Variants in SGMS2 observed in about 807,000 individuals in gnomAD.
SGMS2 encodes phosphatidylcholine:ceramide cholinephosphotransferase 2.
Under a neutral mutation model 43.8 loss-of-function variants are expected in SGMS2, and 21 were observed. That is an observed-to-expected ratio of 0.48 (90% CI 0.34 to 0.69). SGMS2 has a LOEUF of 0.69. Ranked by LOEUF, SGMS2 falls within the 30% of genes least tolerant of loss-of-function variation. The probability of loss-of-function intolerance (pLI) is 0.01; values close to 1 mark genes in which losing one functional copy is unlikely to be tolerated. For synonymous variants in SGMS2, 167 were observed against 160.6 expected (o/e 1.04, Z -0.30); for missense variants, 384 against 443.2 (o/e 0.87, Z 1.20).
At chr4:107,859,329 A>G (rs577665953) in intron 2 of SGMS2, among the ~76,000 whole-genome samples, 2 of 152,214 alleles carry the variant, frequency 1.3e-5, no homozygotes, top group South Asian at 4.2e-4. Context: ...CTACCCTAAG[A>G]TAGACACCAG....
chr4:107,868,140 C>G (rs1048152732), intron 2 of SGMS2, among the ~76,000 whole-genome samples: 1 of 152,020 alleles, frequency 6.6e-6, no homozygotes, highest in East Asian at 1.9e-4. Flanking sequence ...AAAATAACAA[C>G]AAAGCCACAA....
intron 6 of SGMS2, among the ~76,000 whole-genome samples, chr4:107,909,353 C>T (rs1416872288): frequency 6.6e-6 from 1 of 152,072 alleles, no homozygotes; most frequent in African/African-American, 2.4e-5. Flanking sequence ...TCAGGTGATC[C>T]TCCCACCTCG....
intron 1 of SGMS2, among the ~76,000 whole-genome samples, chr4:107,853,213 G>A (rs1260912866): frequency 6.6e-6 from 1 of 152,058 alleles, no homozygotes; most frequent in Non-Finnish European, 1.5e-5. Flanking sequence ...AGAAAGCAGA[G>A]CTTATGAGAC....
At chr4:107,903,533 G>A (rs1167599161) in intron 5 of SGMS2, 147 bp downstream of exon 5, 1 of 635,886 alleles carries the variant, frequency 1.6e-6, no homozygotes, top group Non-Finnish European at 2.7e-6. Context: ...GAATGTGAAT[G>A]TGTGTGTGTG....
chr4:107,878,029 C>T (rs1168917133), intron 2 of SGMS2, among the ~76,000 whole-genome samples: 2 of 150,850 alleles, frequency 1.3e-5, no homozygotes, highest in Non-Finnish European at 2.9e-5. Context: ...GATTCTCCTG[C>T]CTCAGCCTCC....
chr4:107,828,336 G>T (rs1157550506), intron 1 of SGMS2, among the ~76,000 whole-genome samples: 1 of 152,146 alleles, frequency 6.6e-6, no homozygotes, highest in Non-Finnish European at 1.5e-5. Context: ...GGTGAGGTAG[G>T]TACTCTTATT....
rs756237509 is a variant in SGMS2, at chr4:107,903,315, T to A, written c.656T>A (p.Ile219Asn). 9 of 1,613,502 alleles carry A rather than the reference T, an allele frequency of 5.6e-6. No individual in the cohort carries two copies. In the South Asian group the frequency reaches 9.9e-5, roughly 18 times the overall value. The change falls in exon 5 of 7, where the codon ATC becomes AAC. Residue 219 changes from isoleucine to asparagine, a missense_variant. Physicochemically the swap from Ile to Asn is moderately radical, Grantham distance 149. Coordinates refer to ENST00000690982, the MANE Select transcript of SGMS2 (RefSeq NM_001375905.1). ...GGATTGTCCATAACTGGATCACATA[T>A]CTTATGTGGAGACTTCCTCTTCAGC... ...GGGLSITGSH[I>N]LCGDFLFSGH...
At chr4:107,843,018 A>G (rs1326997734) in intron 1 of SGMS2, among the ~76,000 whole-genome samples, 1 of 152,204 alleles carries the variant, frequency 6.6e-6, no homozygotes, top group Non-Finnish European at 1.5e-5. Flanking sequence ...CCATTTGCAC[A>G]AGCAACTGAG....
intron 5 of SGMS2, chr4:107,908,277 GTTCT>G (rs1731780330): frequency 3.6e-6 from 1 of 278,336 alleles, no homozygotes; most frequent in African/African-American, 2.2e-5. Flanking sequence ...AAACAATTCT[GTTCT>G]TTCTTACTAA....
intron 3 of SGMS2, 47 bp downstream of exon 3, chr4:107,896,055 A>G (rs959800077): frequency 6.5e-7 from 1 of 1,533,012 alleles, no homozygotes; most frequent in South Asian, 1.2e-5. Flanking sequence ...TTTGTTTTTG[A>G]GTGAATAGAT....
chr4:107,841,679 T>A (rs1726513810), intron 1 of SGMS2, among the ~76,000 whole-genome samples: 1 of 152,110 alleles, frequency 6.6e-6, no homozygotes, highest in African/African-American at 2.4e-5. Flanking sequence ...CCTTTTTTTT[T>A]AAGAGACAGG....
chr4:107,870,409 G>A (rs112563929), intron 2 of SGMS2, among the ~76,000 whole-genome samples: 36 of 152,278 alleles, frequency 2.4e-4, no homozygotes, highest in East Asian at 1.2e-3. Flanking sequence ...TGGTGGTACC[G>A]TTTACTGTGA....
At chr4:107,832,031 C>T (rs1378477966) in intron 1 of SGMS2, among the ~76,000 whole-genome samples, 1 of 152,136 alleles carries the variant, frequency 6.6e-6, no homozygotes, top group East Asian at 1.9e-4. Flanking sequence ...ACTGTCCTCG[C>T]CAGTGCTGTG....
At chr4:107,859,263 G>GTT (rs376640926) in intron 2 of SGMS2, among the ~76,000 whole-genome samples, 1 of 150,374 alleles carries the variant, frequency 6.7e-6, no homozygotes, top group Non-Finnish European at 1.5e-5. Flanking sequence ...TAGCTGTTTT[G>GTT]TTTTTTTTTA....
At chr4:107,846,945 C>A (rs1451361888) in intron 1 of SGMS2, among the ~76,000 whole-genome samples, 2 of 152,088 alleles carry the variant, frequency 1.3e-5, no homozygotes. Context: ...CCTTTGCCCA[C>A]TTTTTGATGG....
chr4:107,874,945 G>C, intron 2 of SGMS2, among the ~76,000 whole-genome samples: 1 of 152,150 alleles, frequency 6.6e-6, no homozygotes, highest in East Asian at 1.9e-4. Context: ...ATTTGCAGAA[G>C]CCAATCTCTG....
intron 1 of SGMS2, among the ~76,000 whole-genome samples, chr4:107,838,672 ATTTC>A (rs1246727881): frequency 6.6e-6 from 1 of 151,162 alleles, no homozygotes; most frequent in East Asian, 1.9e-4. Context: ...TTTATATTGT[ATTTC>A]TTCTAGACAG....
chr4:107,827,344 T>A (rs189451407), intron 1 of SGMS2, among the ~76,000 whole-genome samples: 1 of 152,074 alleles, frequency 6.6e-6, no homozygotes, highest in Admixed American at 6.5e-5. Flanking sequence ...ACGAAGGAGA[T>A]AGTTGCTACC....
At chr4:107,868,788 T>A (rs1728335478) in intron 2 of SGMS2, among the ~76,000 whole-genome samples, 1 of 152,216 alleles carries the variant, frequency 6.6e-6, no homozygotes. Flanking sequence ...CATAGGATTC[T>A]GGAGCCCTAT....
Sources: allele counts gnomAD v4.1 joint callset (sites outside exome capture counted in the v4.1 genomes callset), GRCh38; gene constraint gnomAD v4.1.1; transcripts MANE v1.5; gene names NCBI Gene and HGNC (gene_info 2026-07-23, HGNC 2026-07-21).